SOCS5: variants seen among roughly 807,000 people sequenced by gnomAD.
The protein encoded by SOCS5 is CIS-6.
Under a neutral mutation model 42.8 loss-of-function variants are expected in SOCS5, and 32 were observed. That is an observed-to-expected ratio of 0.75 (90% CI 0.56 to 1.01). SOCS5 has a LOEUF of 1.01. Among genes scored for constraint, SOCS5 ranks in the 50% least tolerant of loss-of-function variants. The probability of loss-of-function intolerance (pLI) is 0.00; values close to 1 mark genes in which losing one functional copy is unlikely to be tolerated. For synonymous variants in SOCS5, 283 were observed against 229.6 expected (o/e 1.23, Z -2.10); for missense variants, 627 against 653.0 (o/e 0.96, Z 0.43).
intron 1 of SOCS5, among the ~76,000 whole-genome samples, chr2:46,733,594 A>G (rs1223534504): frequency 2.0e-5 from 3 of 151,802 alleles, no homozygotes; most frequent in South Asian, 2.1e-4. Context: ...AAAAAAAAAA[A>G]AAGGAATAAC....
chr2:46,717,117 C>T (rs142972903), intron 1 of SOCS5, among the ~76,000 whole-genome samples: 1 of 152,184 alleles, frequency 6.6e-6, no homozygotes, highest in African/African-American at 2.4e-5. Flanking sequence ...TCGAGAAGAC[C>T]CCTTTTGCAT....
At chr2:46,739,746 T>A (rs1673328127) in intron 1 of SOCS5, among the ~76,000 whole-genome samples, 1 of 152,152 alleles carries the variant, frequency 6.6e-6, no homozygotes, top group African/African-American at 2.4e-5. Context: ...CCCTAAATGG[T>A]ATAGTTTAGT....
intron 1 of SOCS5, among the ~76,000 whole-genome samples, chr2:46,700,774 C>T (rs1023612142): frequency 1.3e-5 from 2 of 152,138 alleles, no homozygotes; most frequent in Non-Finnish European, 2.9e-5. Flanking sequence ...CAGTGGTGGT[C>T]TCCAGAGTGC....
chr2:46,715,364 A>G (rs956555887), intron 1 of SOCS5, among the ~76,000 whole-genome samples: 17 of 136,454 alleles, frequency 1.2e-4, no homozygotes, highest in Non-Finnish European at 2.8e-4. Context: ...AGAGAGTAAC[A>G]CCCTGTCAAA....
chr2:46,726,188 T>G (rs1220748002), intron 1 of SOCS5, among the ~76,000 whole-genome samples: 1 of 151,894 alleles, frequency 6.6e-6, no homozygotes, highest in Non-Finnish European at 1.5e-5. Context: ...CCTCTGCCTC[T>G]CCGGTTCAAG....
chr2:46,756,158 T>G (rs1673726240), intron 1 of SOCS5, among the ~76,000 whole-genome samples: 1 of 152,140 alleles, frequency 6.6e-6, no homozygotes. Flanking sequence ...TGGTTTTAGG[T>G]TAGGTCACTT....
intron 1 of SOCS5, among the ~76,000 whole-genome samples, chr2:46,747,022 A>G (rs1170603392): frequency 6.7e-6 from 1 of 148,268 alleles, no homozygotes; most frequent in Non-Finnish European, 1.5e-5. Flanking sequence ...GTTGCTAGAC[A>G]GATTTGTTTC....
intron 1 of SOCS5, among the ~76,000 whole-genome samples, chr2:46,705,427 G>A (rs929077233): frequency 2.0e-5 from 3 of 152,064 alleles, no homozygotes; most frequent in Non-Finnish European, 4.4e-5. Flanking sequence ...CTTGCTTTTC[G>A]GTAGAGAGAA....
intron 1 of SOCS5, among the ~76,000 whole-genome samples, chr2:46,722,812 T>C (rs1672911472): frequency 1.3e-5 from 2 of 152,158 alleles, no homozygotes; most frequent in African/African-American, 4.8e-5. Context: ...AGAGTTCTAG[T>C]TGCTTTGCAT....
chr2:46,729,508 C>G (rs1258890496), intron 1 of SOCS5, among the ~76,000 whole-genome samples: 1 of 152,220 alleles, frequency 6.6e-6, no homozygotes, highest in Non-Finnish European at 1.5e-5. Context: ...TAGCCTGTTA[C>G]TGTACTGAAT....
At chr2:46,740,328 A>C (rs527726302) in intron 1 of SOCS5, among the ~76,000 whole-genome samples, 5 of 152,334 alleles carry the variant, frequency 3.3e-5, no homozygotes, top group African/African-American at 9.6e-5. Context: ...GAGCTTAACC[A>C]ATCAGGTTCT....
At chr2:46,751,407 A>G (rs927907251) in intron 1 of SOCS5, among the ~76,000 whole-genome samples, 1 of 152,092 alleles carries the variant, frequency 6.6e-6, no homozygotes, top group African/African-American at 2.4e-5. Context: ...TTAAAAAAAA[A>G]TACACTTTAT....
intron 1 of SOCS5, among the ~76,000 whole-genome samples, chr2:46,745,616 A>G (rs1185506071): frequency 3.3e-5 from 5 of 152,186 alleles, no homozygotes; most frequent in Non-Finnish European, 7.3e-5. Flanking sequence ...TAAAAATTCT[A>G]ATATTAAAAG....
chr2:46,755,548 C>T (rs542070546), intron 1 of SOCS5, among the ~76,000 whole-genome samples: 39 of 152,152 alleles, frequency 2.6e-4, no homozygotes, highest in African/African-American at 9.1e-4. Context: ...ATTATTCCTT[C>T]GAGGAAAGAA....
chr2:46,712,096 A>G (rs1052242513), intron 1 of SOCS5, among the ~76,000 whole-genome samples: 8 of 152,190 alleles, frequency 5.3e-5, no homozygotes, highest in Non-Finnish European at 1.0e-4. Flanking sequence ...CAGCTTATCA[A>G]TATCTACAAA....
chr2:46,704,161 T>C (rs895500374), intron 1 of SOCS5, among the ~76,000 whole-genome samples: 11 of 152,184 alleles, frequency 7.2e-5, no homozygotes, highest in African/African-American at 2.2e-4. Flanking sequence ...GAGGAAGCAG[T>C]GATGAAGATA....
chr2:46,717,390 T>G (rs1329589871), intron 1 of SOCS5, among the ~76,000 whole-genome samples: 1 of 152,160 alleles, frequency 6.6e-6, no homozygotes, highest in African/African-American at 2.4e-5. Flanking sequence ...TTGTTTGGTA[T>G]TTTGTCTAGT....
chr2:46,742,528 A>G (rs1673401992), intron 1 of SOCS5, among the ~76,000 whole-genome samples: 1 of 152,164 alleles, frequency 6.6e-6, no homozygotes. Context: ...TTTGTTTATG[A>G]CATTTTTTGA....
intron 1 of SOCS5, among the ~76,000 whole-genome samples, chr2:46,724,101 G>T (rs1167862903): frequency 6.6e-6 from 1 of 151,926 alleles, no homozygotes; most frequent in Non-Finnish European, 1.5e-5. Flanking sequence ...GTGTTGACCT[G>T]TATCCTGTGA....
Sources: allele counts gnomAD v4.1 joint callset (sites outside exome capture counted in the v4.1 genomes callset), GRCh38; gene constraint gnomAD v4.1.1; transcripts MANE v1.5; gene names NCBI Gene and HGNC (gene_info 2026-07-23, HGNC 2026-07-21).